Variants in SRGAP1 observed in about 807,000 individuals in gnomAD.
SRGAP1 encodes the protein SLIT-ROBO Rho GTPase activating protein 1.
SRGAP1 carries 43 observed loss-of-function variants against 121.9 expected under a neutral mutation model. The observed-to-expected ratio is 0.35, with a 90% confidence interval of 0.28 to 0.46. SRGAP1 has a LOEUF of 0.46. Ranked by LOEUF, SRGAP1 falls within the 20% of genes least tolerant of loss-of-function variation. SRGAP1 has a pLI of 1.00. For missense variants in SRGAP1, 1,102 were observed against 1,350.9 expected (o/e 0.82, Z 2.89); for synonymous variants, 447 against 485.4 (o/e 0.92, Z 1.04).
At chr12:64,095,356 T>G in intron 14 of SRGAP1, 152 bp downstream of exon 14, 2 of 658,658 alleles carry the variant, frequency 3.0e-6, no homozygotes, top group Non-Finnish European at 2.6e-6. Flanking sequence ...TAAGAATCGC[T>G]GAGAAATGGT....
intron 1 of SRGAP1, among the ~76,000 whole-genome samples, chr12:63,954,728 A>T (rs2032409581): frequency 6.6e-6 from 1 of 151,644 alleles, no homozygotes; most frequent in South Asian, 2.1e-4. Context: ...GGCAATTTGA[A>T]GCAATGGAAA....
intron 21 of SRGAP1, among the ~76,000 whole-genome samples, chr12:64,137,821 C>T (rs1008032875): frequency 1.3e-5 from 2 of 151,818 alleles, no homozygotes; most frequent in African/African-American, 4.8e-5. Context: ...TTAAACCGTG[C>T]CATGAGGGGT....
chr12:64,000,466 A>T (rs2136434295), intron 3 of SRGAP1, among the ~76,000 whole-genome samples: 1 of 152,142 alleles, frequency 6.6e-6, no homozygotes, highest in South Asian at 2.1e-4. Context: ...TTTAAAAGTT[A>T]GCCAGCCATG....
chr12:63,951,345 G>A (rs2032289128), intron 1 of SRGAP1, among the ~76,000 whole-genome samples: 2 of 151,740 alleles, frequency 1.3e-5, no homozygotes, highest in Non-Finnish European at 1.5e-5. Flanking sequence ...TGTATTTTTA[G>A]TAGAGACGAG....
chr12:63,961,773 AG>A (rs749940466), intron 1 of SRGAP1, among the ~76,000 whole-genome samples: 36 of 152,378 alleles, frequency 2.4e-4, no homozygotes, highest in Non-Finnish European at 4.6e-4. Context: ...AGAAGGAGAA[AG>A]AGCTGATTCG....
At chr12:63,850,134 T>A (rs1365266956) in intron 1 of SRGAP1, among the ~76,000 whole-genome samples, 5 of 152,310 alleles carry the variant, frequency 3.3e-5, no homozygotes, top group African/African-American at 1.2e-4. Context: ...TGTACAAATA[T>A]GATTTGCCTG....
In SRGAP1 at chr12:64,018,527, C is replaced by T. The variant is rs190258247; in HGVS notation, c.489+1515C>T. Among the ~76,000 whole-genome samples the T allele has an allele frequency of 4.6e-5, 7 of 152,242 alleles. No homozygotes were observed. The East Asian group carries it at 1.3e-3, about 29-fold the overall frequency. On this transcript the variant is annotated intron_variant, in intron 4 of 21. Transcript: ENST00000355086. ...TTAAATTTTTAATGCTCCTTTGATA[C>T]TTACTAATTAAACTTGTAAATTAAA...
In SRGAP1 at chr12:63,984,067, A is replaced by G. The variant is rs771722779; in HGVS notation, c.188A>G (p.Tyr63Cys). 1 of 1,554,270 alleles carries G rather than the reference A, an allele frequency of 6.4e-7. No homozygotes were observed. Among genetic ancestry groups the G allele is most frequent in the Non-Finnish European group, 8.7e-7 (1 of 1,143,344 alleles). Residue 63 changes from tyrosine (Y) to cysteine (C), a missense_variant, in exon 2 of 22, where the codon TAT (tyrosine) becomes TGT (cysteine). Transcript: ENST00000355086. ...AAAAAAGCTGAAATTGAGACGGAATATTCCCGGAATCTAGAGAAGTTAGCA... is the reference window on the plus strand; with the variant it reads ...AAAAAAGCTGAAATTGAGACGGAATGTTCCCGGAATCTAGAGAAGTTAGCA... ...FRKKAEIETE[Y>C]SRNLEKLAER...
intron 1 of SRGAP1, among the ~76,000 whole-genome samples, chr12:63,913,525 A>G (rs112051392): frequency 0.01 from 1,506 of 147,364 alleles, 24 homozygotes; most frequent in African/African-American, 0.036. Flanking sequence ...ATATACATAT[A>G]TGTGTGTATT....
At chr12:64,108,644 A>G (rs1310651427) in intron 15 of SRGAP1, 6 of 232,912 alleles carry the variant, frequency 2.6e-5, no homozygotes, top group Admixed American at 5.6e-5. Context: ...TGCAAAATTT[A>G]GAATTAGCAG....
At chr12:63,907,066 C>A (rs61933093) in intron 1 of SRGAP1, among the ~76,000 whole-genome samples, 23,117 of 152,030 alleles carry the variant, frequency 0.15, 2,032 homozygotes, top group African/African-American at 0.23. Flanking sequence ...ATCCTCACCA[C>A]TACTTGTTAT....
intron 6 of SRGAP1, among the ~76,000 whole-genome samples, chr12:64,056,113 C>T (rs777435348): frequency 2.0e-5 from 3 of 152,088 alleles, no homozygotes; most frequent in Non-Finnish European, 4.4e-5. Context: ...TGCCACTTTC[C>T]GCTAAAAACC....
chr12:63,874,329 G>T (rs565943590), intron 1 of SRGAP1, among the ~76,000 whole-genome samples: 116 of 151,844 alleles, frequency 7.6e-4, no homozygotes, highest in East Asian at 4.3e-3. Context: ...TCATCCTCCC[G>T]AGTAGCTGGG....
chr12:64,111,656 A>G, intron 16 of SRGAP1, 106 bp from the exon 17 acceptor site: 1 of 985,784 alleles, frequency 1.0e-6, no homozygotes, highest in Non-Finnish European at 1.4e-6. Flanking sequence ...GAGCCAACTT[A>G]AAGTTGAAGT....
intron 6 of SRGAP1, among the ~76,000 whole-genome samples, chr12:64,058,395 A>AT (rs1186431504): frequency 1.3e-5 from 2 of 152,144 alleles, no homozygotes; most frequent in Non-Finnish European, 2.9e-5. Flanking sequence ...CTGTACTTGG[A>AT]TTTCATCTTC....
At position 64,010,560 on chromosome 12, in the gene SRGAP1, G is replaced by C. The variant is rs2034223014; in HGVS notation, c.427-6390G>C. Among the ~76,000 whole-genome samples, 3 of 152,104 alleles carry C rather than the reference G, an allele frequency of 2.0e-5. No individual in the cohort carries two copies. In the South Asian group the frequency reaches 6.2e-4, roughly 31 times the overall value. Reference sequence around the variant, plus strand: ...CAGAAACCAGTCCTTACTCAGTGCTGTTCATTCAGCAGATGTAGCTCCTGT... The same window carrying C: ...CAGAAACCAGTCCTTACTCAGTGCTCTTCATTCAGCAGATGTAGCTCCTGT... On this transcript the variant is annotated intron_variant, in intron 3 of 21. Coordinates refer to ENST00000355086, the MANE Select transcript of SRGAP1 (RefSeq NM_020762.4).
chr12:63,912,606 T>C (rs1333925584), intron 1 of SRGAP1, among the ~76,000 whole-genome samples: 1 of 144,296 alleles, frequency 6.9e-6, no homozygotes, highest in Non-Finnish European at 1.5e-5. Flanking sequence ...GGAACAAGAC[T>C]CCATTTTAAA....
chr12:64,080,166 C>A (rs1189940266), intron 9 of SRGAP1, 120 bp from the exon 10 acceptor site: 2 of 714,394 alleles, frequency 2.8e-6, no homozygotes, highest in Non-Finnish European at 4.5e-6. Flanking sequence ...TCGCTTGAAC[C>A]CCAGAGGAAG....
intron 1 of SRGAP1, among the ~76,000 whole-genome samples, chr12:63,933,500 A>G (rs74099379): frequency 0.022 from 3,419 of 152,294 alleles, 114 homozygotes; most frequent in African/African-American, 0.077. Flanking sequence ...ATTTAGAAGC[A>G]TACCAAGAAC....
Sources: gnomAD v4.1 joint callset for allele counts (sites outside exome capture counted in the v4.1 genomes callset) on GRCh38, gnomAD v4.1.1 for gene constraint, MANE v1.5 for transcripts, NCBI Gene and HGNC (gene_info 2026-07-23, HGNC 2026-07-21) for gene names.